DGKB: variants seen among roughly 807,000 people sequenced by gnomAD.
DGKB encodes 90 kDa diacylglycerol kinase.
Under a neutral mutation model 114.3 loss-of-function variants are expected in DGKB, and 67 were observed. The ratio of observed to expected loss-of-function variants is 0.59; its 90% CI spans 0.48 to 0.72. DGKB has a LOEUF of 0.72. Among genes scored for constraint, DGKB ranks in the 30% least tolerant of loss-of-function variants. The probability of loss-of-function intolerance (pLI) is 0.00; values close to 1 mark genes in which losing one functional copy is unlikely to be tolerated. For missense variants in DGKB, 907 were observed against 975.2 expected, an observed-to-expected ratio of 0.93 and a Z score of 0.93; for synonymous variants, 398 against 323.1, an observed-to-expected ratio of 1.23 and a Z score of -2.49.
intron 4 of DGKB, among the ~76,000 whole-genome samples, chr7:14,746,021 C>T (rs1478184123): frequency 1.3e-5 from 2 of 152,172 alleles, no homozygotes; most frequent in Admixed American, 1.3e-4. Flanking sequence ...AGCTCTAAGC[C>T]TTAATTCCCT....
chr7:14,229,710 A>G (rs1309681284), intron 23 of DGKB, among the ~76,000 whole-genome samples: 2 of 152,018 alleles, frequency 1.3e-5, no homozygotes, highest in Admixed American at 6.6e-5. Context: ...ATTACAAAAT[A>G]CACTTATGAT....
intron 13 of DGKB, among the ~76,000 whole-genome samples, chr7:14,662,557 C>T (rs1290615358): frequency 6.6e-6 from 1 of 151,754 alleles, no homozygotes; most frequent in African/African-American, 2.4e-5. Flanking sequence ...CTTATAATAA[C>T]AAAATGAGGA....
At chr7:14,761,963 G>C (rs183075004) in intron 2 of DGKB, among the ~76,000 whole-genome samples, 1 of 152,142 alleles carries the variant, frequency 6.6e-6, no homozygotes, top group Non-Finnish European at 1.5e-5. Context: ...GGGAAATTCT[G>C]AAACATGGGG....
In DGKB at chr7:14,729,272, G is replaced by T. The variant is rs561004788; in HGVS notation, c.322+6769C>A. 9.7e-4 allele frequency among the ~76,000 whole-genome samples: 142 copies of T among 146,050 alleles called. 1 individual carries two copies. In the East Asian group the frequency reaches 0.022, roughly 22 times the overall value. Reference sequence around the variant, plus strand: ...CGAGTAGCTGGGACTACAGGCGCCTGCCACCACATCCGGCTAATTTTTTGT... The same window carrying T: ...CGAGTAGCTGGGACTACAGGCGCCTTCCACCACATCCGGCTAATTTTTTGT... On this transcript the variant is annotated intron_variant, in intron 5 of 25. Transcript: ENST00000402815.
rs1781359107 is a variant in DGKB, at chr7:14,145,267, T to C, written c.*3864A>G. 1 of 152,166 alleles carries C rather than the reference T, an allele frequency of 6.6e-6. No individual in the cohort carries two copies. Among genetic ancestry groups the C allele is most frequent in the Admixed American group, 6.6e-5 (1 of 15,260 alleles). 9.4% of individuals were successfully genotyped at this position (152,166 alleles called of 1,614,324 possible). ...GCCTCTCACAAAATAAAAGCTCTTT[T>C]ACAGGGTTTTATTTATTTATTTTCT... On this transcript the variant is annotated 3_prime_UTR_variant, in exon 26 of 26. Transcript: ENST00000402815.
intron 1 of DGKB, among the ~76,000 whole-genome samples, chr7:14,947,935 T>C (rs751971941): frequency 6.6e-5 from 10 of 151,686 alleles, no homozygotes; most frequent in Non-Finnish European, 1.0e-4. Flanking sequence ...AGGAAAAAAA[T>C]AAACAATCCC....
chr7:14,919,442 TG>T (rs1418562600), intron 1 of DGKB, among the ~76,000 whole-genome samples: 1 of 152,210 alleles, frequency 6.6e-6, no homozygotes, highest in African/African-American at 2.4e-5. Context: ...CATACATACA[TG>T]TAGAAACCTA....
intron 23 of DGKB, among the ~76,000 whole-genome samples, chr7:14,237,211 T>G (rs979517992): frequency 5.3e-5 from 8 of 152,036 alleles, no homozygotes; most frequent in Non-Finnish European, 1.0e-4. Context: ...AGTATTTATA[T>G]GCATATATAT....
chr7:14,480,459 G>A (rs1194710770), intron 20 of DGKB, among the ~76,000 whole-genome samples: 3 of 151,958 alleles, frequency 2.0e-5, no homozygotes, highest in Non-Finnish European at 4.4e-5. Context: ...AATTCACATG[G>A]GACCCTGTCC....
chr7:14,716,884 G>C (rs912431217), intron 6 of DGKB, among the ~76,000 whole-genome samples: 1 of 151,978 alleles, frequency 6.6e-6, no homozygotes, highest in African/African-American at 2.4e-5. Flanking sequence ...GAAAATGATA[G>C]TGATAATTCT....
chr7:14,620,001 T>G (rs569112272), intron 15 of DGKB, among the ~76,000 whole-genome samples: 1 of 151,608 alleles, frequency 6.6e-6, no homozygotes, highest in African/African-American at 2.4e-5. Flanking sequence ...AGCTGAAGAT[T>G]TAAACTTATC....
intron 2 of DGKB, among the ~76,000 whole-genome samples, chr7:14,836,483 A>C (rs1321683948): frequency 6.6e-6 from 1 of 152,234 alleles, no homozygotes; most frequent in African/African-American, 2.4e-5. Flanking sequence ...CGTAGATTTC[A>C]CATAGAAAAT....
chr7:14,395,630 T>C (rs375646131), intron 21 of DGKB, among the ~76,000 whole-genome samples: 1 of 151,852 alleles, frequency 6.6e-6, no homozygotes, highest in Non-Finnish European at 1.5e-5. Flanking sequence ...GTTTAAATGA[T>C]ATATTACTAT....
chr7:14,901,625 G>GC (rs1386186073), intron 1 of DGKB, among the ~76,000 whole-genome samples: 1 of 57,152 alleles, frequency 1.7e-5, no homozygotes, highest in Non-Finnish European at 3.7e-5. Context: ...ACCCCCCACT[G>GC]CCCCACCACC....
At chr7:14,641,449 T>C (rs1367056797) in intron 13 of DGKB, among the ~76,000 whole-genome samples, 1 of 151,828 alleles carries the variant, frequency 6.6e-6, no homozygotes, top group East Asian at 1.9e-4. Flanking sequence ...TTCTTTAAAA[T>C]AAATTTTCAT....
chr7:14,443,893 T>G (rs938368486), intron 21 of DGKB, among the ~76,000 whole-genome samples: 1 of 151,946 alleles, frequency 6.6e-6, no homozygotes, highest in Non-Finnish European at 1.5e-5. Flanking sequence ...CACCTTCTAT[T>G]TATCATTTAC....
chr7:14,430,757 A>G (rs1828332572), intron 21 of DGKB, among the ~76,000 whole-genome samples: 1 of 152,188 alleles, frequency 6.6e-6, no homozygotes, highest in African/African-American at 2.4e-5. Flanking sequence ...AACTACTTTC[A>G]CATTTCTGAG....
chr7:14,542,184 CATT>C (rs1289368874), intron 20 of DGKB, among the ~76,000 whole-genome samples: 1 of 151,716 alleles, frequency 6.6e-6, no homozygotes, highest in African/African-American at 2.4e-5. Context: ...TATTTATTAT[CATT>C]ATTATTATTA....
chr7:14,920,652 C>T (rs957755931), intron 1 of DGKB, among the ~76,000 whole-genome samples: 6 of 152,104 alleles, frequency 3.9e-5, no homozygotes, highest in African/African-American at 1.4e-4. Context: ...TAAGTATATA[C>T]CCAACTGAGT....
Sources: gnomAD v4.1 joint callset for allele counts (sites outside exome capture counted in the v4.1 genomes callset) on GRCh38, gnomAD v4.1.1 for gene constraint, MANE v1.5 for transcripts, NCBI Gene and HGNC (gene_info 2026-07-23, HGNC 2026-07-21) for gene names.